The following PSPC1 variants were observed in gnomAD, a reference collection of about 807,000 sequenced individuals.
PSPC1 encodes the protein paraspeckle component 1.
A neutral mutation model predicts 51.6 loss-of-function variants in PSPC1; 14 were observed. The observed-to-expected ratio is 0.27, with a 90% CI of 0.18 to 0.42. The LOEUF (loss-of-function observed/expected upper bound fraction) is 0.42. Ranked by LOEUF, PSPC1 falls within the 10% of genes least tolerant of loss-of-function variation. PSPC1 has a pLI of 1.00. For missense variants in PSPC1, 406 were observed against 701.1 expected (o/e 0.58, Z 4.75); for synonymous variants, 193 against 231.9 (o/e 0.83, Z 1.53).
intron 5 of PSPC1, among the ~76,000 whole-genome samples, chr13:19,737,944 T>C (rs903421388): frequency 6.6e-6 from 1 of 152,000 alleles, no homozygotes; most frequent in African/African-American, 2.4e-5. Context: ...AATTAAAAAA[T>C]TAGCTGGGTG....
At chr13:19,697,112 A>C (rs1879352562) in intron 6 of PSPC1, among the ~76,000 whole-genome samples, 1 of 152,312 alleles carries the variant, frequency 6.6e-6, no homozygotes, top group East Asian at 1.9e-4. Context: ...CAAAAATCAC[A>C]ATCAGAATAG....
At chr13:19,752,465 T>G (rs2138138822) in intron 3 of PSPC1, among the ~76,000 whole-genome samples, 1 of 152,264 alleles carries the variant, frequency 6.6e-6, no homozygotes, top group East Asian at 1.9e-4. Context: ...ATAAAAAATA[T>G]GACTGATCTC....
chr13:19,681,681 G>A (rs554108997), intron 6 of PSPC1, among the ~76,000 whole-genome samples: 2 of 152,338 alleles, frequency 1.3e-5, no homozygotes, highest in Non-Finnish European at 2.9e-5. Flanking sequence ...AGAAAGGTAT[G>A]CTCTGAAGTC....
intron 2 of PSPC1, among the ~76,000 whole-genome samples, chr13:19,768,278 G>A (rs1359021920): frequency 6.6e-6 from 1 of 151,822 alleles, no homozygotes; most frequent in African/African-American, 2.4e-5. Flanking sequence ...ACAAGCCACA[G>A]ACTGGCAGGA....
intron 4 of PSPC1, among the ~76,000 whole-genome samples, chr13:19,743,299 CTGAA>C (rs1885620660): frequency 6.6e-6 from 1 of 152,146 alleles, no homozygotes. Context: ...ATTACCTCAA[CTGAA>C]TGTTTCTTAA....
chr13:19,775,255 G>A (rs1371358472), intron 1 of PSPC1, among the ~76,000 whole-genome samples: 1 of 152,170 alleles, frequency 6.6e-6, no homozygotes, highest in African/African-American at 2.4e-5. Flanking sequence ...AGGAGGCTGA[G>A]GCAGGAGAAT....
At chr13:19,731,957 G>A (rs747768637) in intron 5 of PSPC1, among the ~76,000 whole-genome samples, 2 of 152,098 alleles carry the variant, frequency 1.3e-5, no homozygotes, top group Non-Finnish European at 2.9e-5. Flanking sequence ...ATTAGGTCTC[G>A]TTTTCCAGAT....
chr13:19,686,048 A>G (rs1249720685), intron 6 of PSPC1, among the ~76,000 whole-genome samples: 2 of 152,098 alleles, frequency 1.3e-5, no homozygotes, highest in African/African-American at 4.8e-5. Flanking sequence ...CACCTCTCTC[A>G]ACTCTCCTGA....
intron 5 of PSPC1, among the ~76,000 whole-genome samples, chr13:19,735,603 G>A (rs912306661): frequency 1.1e-4 from 16 of 152,196 alleles, no homozygotes; most frequent in African/African-American, 3.4e-4. Flanking sequence ...TCCTAGGCCA[G>A]TTTTTCTATC....
chr13:19,738,996 T>G (rs939516755), intron 5 of PSPC1, among the ~76,000 whole-genome samples: 2 of 152,102 alleles, frequency 1.3e-5, no homozygotes, highest in African/African-American at 4.8e-5. Flanking sequence ...CAATCCACAG[T>G]TGGCTGAATC....
At chr13:19,752,857 A>G (rs1157068782) in intron 3 of PSPC1, among the ~76,000 whole-genome samples, 1 of 150,814 alleles carries the variant, frequency 6.6e-6, no homozygotes, top group Non-Finnish European at 1.5e-5. Context: ...AAGTTCTGGG[A>G]TTACAGGCGT....
intron 2 of PSPC1, among the ~76,000 whole-genome samples, chr13:19,765,133 G>A (rs1267049870): frequency 2.6e-5 from 4 of 151,548 alleles, no homozygotes; most frequent in Non-Finnish European, 4.4e-5. Flanking sequence ...ATGCAGCCAC[G>A]ACAAACATGG....
intron 6 of PSPC1, among the ~76,000 whole-genome samples, chr13:19,725,500 AG>A (rs543818750): frequency 1.9e-3 from 295 of 152,362 alleles, no homozygotes; most frequent in African/African-American, 6.8e-3. Context: ...TTTCAGGTAA[AG>A]GGTCAGGTGT....
rs1347456610 is a variant in PSPC1 at position 19,779,329 on chromosome 13, T to TG, written c.372+3056dup. ...CCAGCCGCCCCATCCGGGAGGGACGTGGGGGGTCAGCCCCCCCGCCCGGCC... is the reference window on the plus strand; with the variant it reads ...CCAGCCGCCCCATCCGGGAGGGACGTGGGGGGGTCAGCCCCCCCGCCCGGCC... On this transcript the variant is annotated intron_variant, in intron 1 of 8. Transcript: ENST00000338910. Among the ~76,000 whole-genome samples, 5 of 87,428 alleles carry TG rather than the reference T, an allele frequency of 5.7e-5. 1 individual carries two copies. The highest frequency in any genetic ancestry group is 1.7e-4 in the African/African-American group (4 of 24,202). 57.4% of individuals were successfully genotyped at this position (87,428 alleles called of 152,430 possible).
At chr13:19,692,770 T>C (rs963757041) in intron 6 of PSPC1, among the ~76,000 whole-genome samples, 7 of 151,982 alleles carry the variant, frequency 4.6e-5, no homozygotes, top group African/African-American at 1.7e-4. Context: ...TGCATCTCCC[T>C]CCTCCGCCCT....
intron 2 of PSPC1, among the ~76,000 whole-genome samples, chr13:19,767,948 T>A (rs955915115): frequency 3.3e-5 from 5 of 152,146 alleles, no homozygotes; most frequent in Non-Finnish European, 7.4e-5. Context: ...ACAGATGCAA[T>A]GGCTCACACC....
chr13:19,723,271 C>T (rs2137870529), intron 6 of PSPC1, among the ~76,000 whole-genome samples: 1 of 152,112 alleles, frequency 6.6e-6, no homozygotes, highest in South Asian at 2.1e-4. Flanking sequence ...GAAACTCTAA[C>T]AGAAGGTAAG....
chr13:19,693,070 AACTTT>A (rs1425204689), intron 6 of PSPC1, among the ~76,000 whole-genome samples: 1 of 152,126 alleles, frequency 6.6e-6, no homozygotes, highest in Non-Finnish European at 1.5e-5. Context: ...ATCTTATCTC[AACTTT>A]ACTTCTCTTC....
intron 4 of PSPC1, among the ~76,000 whole-genome samples, chr13:19,743,798 T>C (rs898512231): frequency 5.9e-5 from 9 of 152,142 alleles, no homozygotes; most frequent in Non-Finnish European, 2.9e-5. Flanking sequence ...CCTTAAATAC[T>C]CATTAGAATT....
Sources: allele counts gnomAD v4.1 joint callset (sites outside exome capture counted in the v4.1 genomes callset), GRCh38; gene constraint gnomAD v4.1.1; transcripts MANE v1.5; gene names NCBI Gene and HGNC (gene_info 2026-07-23, HGNC 2026-07-21).